Variants in HCCS observed in about 807,000 individuals in gnomAD.
The protein encoded by HCCS is holocytochrome c synthase, also known as holocytochrome c-type synthase.
In HCCS, 2 loss-of-function variants were observed where a neutral mutation model predicts 24.2. That is an observed-to-expected ratio of 0.08 (90% CI 0.03 to 0.26). HCCS has a LOEUF of 0.26. Ranked by LOEUF, HCCS falls within the 10% of genes least tolerant of loss-of-function variation. HCCS has a pLI of 1.00. For synonymous variants in HCCS, 73 were observed against 76.2 expected, an observed-to-expected ratio of 0.96 and a Z score of 0.22; for missense variants, 150 against 213.3, an observed-to-expected ratio of 0.70 and a Z score of 1.85.
Position 11,114,912 on chromosome X carries a change from G to A in HCCS, c.178G>A (p.Ala60Thr), listed in dbSNP as rs746570741. The change falls in exon 3 of 7, where the codon GCC becomes ACC. Residue 60 changes from alanine to threonine, a missense_variant. Ala to Thr is a moderately conservative substitution (Grantham distance 58). This residue lies in a region of HCCS where 95 missense variants were observed against 79.1 expected (regional missense o/e 1.20). Coordinates refer to ENST00000380762, the MANE Select transcript of HCCS (RefSeq NM_005333.5). ...TYSVPAHQER[A>T]YEYVECPIRG... is the part of the protein sequence containing the mutation. The stretch of plus-strand genomic sequence containing the variant: ...CTCTGTGCCTGCCCACCAGGAACGC[G>A]CCTATGAGTACGTGGAGTGTCCCAT... 6 of 1,204,490 alleles carry A rather than the reference G, an allele frequency of 5.0e-6. No homozygotes were observed. The highest frequency in any genetic ancestry group is 3.0e-5 in the East Asian group (1 of 33,818).
chrX:11,113,671 A>G, intron 2 of HCCS, among the ~76,000 whole-genome samples: 1 of 112,347 alleles, frequency 8.9e-6, no homozygotes, highest in Admixed American at 9.4e-5. Flanking sequence ...CAGACTTACT[A>G]CATTAATAAA....
At position 11,119,611 on chromosome X, in the gene HCCS, AT is replaced by A. The variant is rs374694692; in HGVS notation, c.521+998del. 5.8e-3 allele frequency among the ~76,000 whole-genome samples: 658 copies of A among 112,490 alleles called. 7 individuals carry two copies. The highest frequency in any genetic ancestry group is 0.021 in the African/African-American group (641 of 30,964). On this transcript the variant is annotated intron_variant, in intron 5 of 6. Transcript: ENST00000380762. ...TTTCTTGGCTAAAGTCCACTTAATG[AT>A]TTTTTTAAGGTGTTTTGTTTGTTTT...
chrX:11,122,208 T>C lies in HCCS; in HGVS notation c.*398T>C, dbSNP rs41305189. 4 of 137,847 alleles carry C rather than the reference T, an allele frequency of 2.9e-5. No homozygotes were observed. Among genetic ancestry groups the C allele is most frequent in the Non-Finnish European group, 4.3e-5 (3 of 69,742 alleles). 11.4% of individuals were successfully genotyped at this position (137,847 alleles called of 1,213,427 possible). On this transcript the variant is annotated 3_prime_UTR_variant, in exon 7 of 7. Coordinates refer to ENST00000380762, the MANE Select transcript of HCCS (RefSeq NM_005333.5). ...TGTAAAGCCTGAGAGTCCATGGTGA[T>C]GCTCAAGAGCTTTCATCTGGCCAAA...
chrX:11,121,555 A>G, intron 6 of HCCS, 57 bp from the exon 7 acceptor site: 3 of 1,011,253 alleles, frequency 3.0e-6, no homozygotes, highest in Non-Finnish European at 4.2e-6. Flanking sequence ...CATGGCTTAA[A>G]CCGGGACTGA....
rs2147254430 is a variant in HCCS, at chrX:11,122,332, C to CT, written c.*525dup. On this transcript the variant is annotated 3_prime_UTR_variant, in exon 7 of 7. Coordinates refer to ENST00000380762, the MANE Select transcript of HCCS (RefSeq NM_005333.5). ...AAAGCCCCTATGGTATGATTGTGAC[C>CT]TTTAACAAAATGCAAAGGTATACAC... The CT allele has an allele frequency of 8.7e-6, 1 of 114,554 alleles. No individual in the cohort carries two copies. Among genetic ancestry groups the CT allele is most frequent in the South Asian group, 3.5e-4 (1 of 2,870 alleles). 9.4% of individuals were successfully genotyped at this position (114,554 alleles called of 1,213,427 possible). A position where few individuals can be genotyped will look rare whatever the true frequency, so the allele number is the denominator to read the frequency against.
At chrX:11,120,412 A>G (rs1162957451) in intron 5 of HCCS, among the ~76,000 whole-genome samples, 2 of 112,297 alleles carry the variant, frequency 1.8e-5, no homozygotes, top group African/African-American at 6.5e-5. Context: ...ATGTGTAGTT[A>G]TTAAGGAGCT....
Position 11,118,521 on chromosome X carries a change from A to G in HCCS, c.422A>G (p.Asp141Gly), listed in dbSNP as rs202177118. ...CCTAGGTGGAAGTGGAAGGATGAGG[A>G]TATCAGTCAGAAGGATATGTATAAT... ...LKKGWKWKDE[D>G]ISQKDMYNII... is the part of the protein sequence containing the mutation. The change falls in exon 5 of 7, where the codon GAT becomes GGT. Residue 141 changes from aspartate to glycine, a missense_variant. By Grantham distance (94) the Asp-to-Gly change is moderately conservative. Coordinates refer to ENST00000380762, the MANE Select transcript of HCCS (RefSeq NM_005333.5). 5 of 1,187,780 alleles carry G rather than the reference A, an allele frequency of 4.2e-6. No homozygotes were observed. In the East Asian group the frequency reaches 8.9e-5, roughly 21 times the overall value.
chrX:11,111,955 G>A (rs1461838029), intron 1 of HCCS, 64 bp from the exon 2 acceptor site: 3 of 622,067 alleles, frequency 4.8e-6, no homozygotes, highest in Non-Finnish European at 8.1e-6. Flanking sequence ...GGGTTGACCA[G>A]ATTAGGACTA....
rs1441357091 is a variant in HCCS, at chrX:11,112,091, G to A, written c.31G>A (p.Ala11Thr). ...TTTGTCTCCATCTGCTCCTGCTGTTGCAGTTCAGGCCTCAAATGCTTCAGC... is the reference window on the plus strand; with the variant it reads ...TTTGTCTCCATCTGCTCCTGCTGTTACAGTTCAGGCCTCAAATGCTTCAGC... MGLSPSAPAV[A>T]VQASNASASP... is the part of the protein sequence containing the mutation. Residue 11 changes from alanine to threonine, a missense_variant, in exon 2 of 7, where the codon GCA becomes ACA. Physicochemically the swap from Ala to Thr is moderately conservative, Grantham distance 58 (BLOSUM62 0). Transcript: ENST00000380762. 2 of 1,208,282 alleles carry A rather than the reference G, an allele frequency of 1.7e-6. No homozygotes were observed. The highest frequency in any genetic ancestry group is 3.5e-5 in the African/African-American group (2 of 57,327).
Position 11,121,786 on chromosome X carries a change from C to A in HCCS, c.783C>A (p.Val261=). The stretch of plus-strand genomic sequence containing the variant: ...CGGCAGTATGGGACAGAATGAAAGT[C>A]GCTTGGTGGCGTTGGACCTCGTAAA... ...SLSAVWDRMK[V]AWWRWTS is the part of the protein sequence containing the mutation. Residue 261 remains valine, a synonymous_variant, in exon 7 of 7, where the codon GTC becomes GTA. Coordinates refer to ENST00000380762, the MANE Select transcript of HCCS (RefSeq NM_005333.5). The A allele has an allele frequency of 8.3e-7, 1 of 1,209,231 alleles. No homozygotes were observed. The highest frequency in any genetic ancestry group is 1.1e-6 in the Non-Finnish European group (1 of 893,537).
rs1490003279 is a variant in HCCS, at chrX:11,122,501, C to T, written c.*691C>T. ...TAAATCCTGTTATTCTAATATGTAA[C>T]TCTGCTCCCAACAAACAGGTCTCCT... On this transcript the variant is annotated 3_prime_UTR_variant, in exon 7 of 7. Coordinates refer to ENST00000380762, the MANE Select transcript of HCCS (RefSeq NM_005333.5). 3 of 112,093 alleles carry T rather than the reference C, an allele frequency of 2.7e-5. No homozygotes were observed. The highest frequency in any genetic ancestry group is 5.6e-5 in the Non-Finnish European group (3 of 53,243). 9.2% of individuals were successfully genotyped at this position (112,093 alleles called of 1,213,427 possible).
At chrX:11,116,488 T>C (rs1341451233) in intron 3 of HCCS, among the ~76,000 whole-genome samples, 2 of 112,905 alleles carry the variant, frequency 1.8e-5, no homozygotes, top group Non-Finnish European at 3.7e-5. Context: ...GAGGGCCTTG[T>C]TGTGATGGAG....
intron 2 of HCCS, 144 bp from the exon 3 acceptor site, chrX:11,114,691 T>A (rs1452667813): frequency 9.0e-6 from 5 of 556,832 alleles, no homozygotes; most frequent in Non-Finnish European, 1.6e-5. Context: ...GCTAGTTCAG[T>A]TCTTGATAGA....
chrX:11,119,982 A>G (rs763552784), intron 5 of HCCS: 23 of 325,108 alleles, frequency 7.1e-5, no homozygotes, highest in South Asian at 6.0e-4. Context: ...AGTTTTGCCT[A>G]GATTGAGTTT....
In HCCS at chrX:11,120,789, GTTATA is replaced by G. The variant is rs760243488; in HGVS notation, c.522-113_522-109del. On this transcript the variant is annotated intron_variant, in intron 5 of 6. Coordinates refer to ENST00000380762, the MANE Select transcript of HCCS (RefSeq NM_005333.5). ...TTAGAACTTACCTTTCTCTGTAAAT[GTTATA>G]TTATGTGAAATGTATACAGGAAAAA... 19 of 597,917 alleles carry G rather than the reference GTTATA, an allele frequency of 3.2e-5. No individual in the cohort carries two copies. The East Asian group carries it at 4.3e-4, about 13-fold the overall frequency. 49.3% of individuals were successfully genotyped at this position (597,917 alleles called of 1,213,427 possible). A position where few individuals can be genotyped will look rare whatever the true frequency, so the allele number is the denominator to read the frequency against.
In HCCS at chrX:11,111,355, A is replaced by AGGCGGCGGCGGCGGC. The variant is rs3086668; in HGVS notation, c.-195_-181dup. The AGGCGGCGGCGGCGGC allele has an allele frequency of 9.2e-4, 149 of 162,638 alleles. 8 individuals are homozygous for AGGCGGCGGCGGCGGC. The highest frequency in any genetic ancestry group is 2.4e-3 in the East Asian group (10 of 4,084). The allele number at this position is 162,638 out of a possible 1,213,427, so 13.4% of individuals were successfully genotyped here. ...CCACAGCGGTGACCGAGTGAGAGGA[A>AGGCGGCGGCGGCGGC]GGCGGCGGCGGCGGCGGCGGCGGCG... On this transcript the variant is annotated 5_prime_UTR_variant, in exon 1 of 7. Transcript: ENST00000380762.
chrX:11,113,378 G>T (rs560849556), intron 2 of HCCS, among the ~76,000 whole-genome samples: 45 of 112,495 alleles, frequency 4.0e-4, no homozygotes, highest in African/African-American at 1.4e-3. Context: ...CATAAGCTAT[G>T]TGGTCTTACG....
chrX:11,113,412 C>G (rs1346522453), intron 2 of HCCS, among the ~76,000 whole-genome samples: 2 of 112,390 alleles, frequency 1.8e-5, no homozygotes, highest in Non-Finnish European at 3.8e-5. Context: ...AGTTTTCTCC[C>G]TATTTTATAG....
intron 1 of HCCS, among the ~76,000 whole-genome samples, 167 bp downstream of exon 1, chrX:11,111,685 C>T (rs1363393790): frequency 8.9e-6 from 1 of 111,799 alleles, no homozygotes; most frequent in Non-Finnish European, 1.9e-5. Context: ...ATGGACCTCC[C>T]CTCCTCCACC....
Sources: allele counts gnomAD v4.1 joint callset (sites outside exome capture counted in the v4.1 genomes callset), GRCh38; gene constraint gnomAD v4.1.1; regional missense constraint gnomAD v4.1.1; transcripts MANE v1.5; gene names NCBI Gene and HGNC (gene_info 2026-07-23, HGNC 2026-07-21).